The following CARMIL1 variants were observed in gnomAD, a reference collection of about 807,000 sequenced individuals.
CARMIL1 encodes the protein capping protein regulator and myosin 1 linker 1.
In CARMIL1, 90 loss-of-function variants were observed where a neutral mutation model predicts 177.1. That is an observed-to-expected ratio of 0.51 (90% CI 0.43 to 0.61). The LOEUF (loss-of-function observed/expected upper bound fraction) is 0.61. CARMIL1 is among the 20% of genes least tolerant of loss of function. The pLI, the probability that CARMIL1 is intolerant of heterozygous loss-of-function variation, is 0.00. For synonymous variants in CARMIL1, 577 were observed against 606.2 expected, an observed-to-expected ratio of 0.95 and a Z score of 0.71; for missense variants, 1,380 against 1,667.0, an observed-to-expected ratio of 0.83 and a Z score of 3.00.
Position 25,537,845 on chromosome 6 carries a change from T to C in CARMIL1, c.2068-10T>C. The C allele has an allele frequency of 6.2e-7, 1 of 1,610,542 alleles. No individual in the cohort carries two copies. The highest frequency in any genetic ancestry group is 8.5e-7 in the Non-Finnish European group (1 of 1,178,628). On this transcript the variant is annotated splice_polypyrimidine_tract_variant and intron_variant, in intron 24 of 36. Coordinates refer to ENST00000329474, the MANE Select transcript of CARMIL1 (RefSeq NM_017640.6). The stretch of plus-strand genomic sequence containing the variant: ...GACTTGGATGCTTGCCTTTTTCTGG[T>C]TTGGAGCAGATGATTGACAGAATAT...
At chr6:25,569,946 G>A (rs189414190) in intron 29 of CARMIL1, among the ~76,000 whole-genome samples, 1 of 152,072 alleles carries the variant, frequency 6.6e-6, no homozygotes, top group African/African-American at 2.4e-5. Flanking sequence ...TTAACATCTT[G>A]CTTACTACTG....
chr6:25,392,585 A>G (rs1032542479), intron 2 of CARMIL1, among the ~76,000 whole-genome samples: 1 of 152,150 alleles, frequency 6.6e-6, no homozygotes, highest in Non-Finnish European at 1.5e-5. Context: ...TTCTTCCTGG[A>G]CTGACTCCAG....
In CARMIL1 at chr6:25,619,431, T is replaced by TC. The variant is rs941022456; in HGVS notation, c.3980-13dup. 6.2e-7 allele frequency: 1 copy of TC among 1,607,676 alleles called. No individual in the cohort carries two copies. Among genetic ancestry groups the TC allele is most frequent in the African/African-American group, 1.3e-5 (1 of 74,238 alleles). On this transcript the variant is annotated splice_polypyrimidine_tract_variant and intron_variant, in intron 36 of 36. Transcript: ENST00000329474. ...TACTTTGTCAGTAAACTGTGCGACT[T>TC]CCCTTTTTATTTCAGTTTCAAGGAG...
At chr6:25,294,595 G>A (rs1242976544) in intron 2 of CARMIL1, among the ~76,000 whole-genome samples, 1 of 152,120 alleles carries the variant, frequency 6.6e-6, no homozygotes, top group East Asian at 1.9e-4. Context: ...ATTTCTTCTT[G>A]CATAGTCTAC....
intron 2 of CARMIL1, among the ~76,000 whole-genome samples, chr6:25,321,341 C>G (rs974914329): frequency 2.6e-5 from 4 of 152,136 alleles, no homozygotes; most frequent in Non-Finnish European, 2.9e-5. Context: ...TACAGGTAAG[C>G]TGGATGTTCT....
At position 25,279,774 on chromosome 6, in the gene CARMIL1, C is replaced by G; in HGVS notation, c.-22C>G. On this transcript the variant is annotated 5_prime_UTR_variant, in exon 1 of 37. Coordinates refer to ENST00000329474, the MANE Select transcript of CARMIL1 (RefSeq NM_017640.6). ...TAAATCAGAGTTGGACCTGCAATAA[C>G]CCCCACACCTACAGGGCAACCATGA... 6.2e-7 allele frequency: 1 copy of G among 1,613,490 alleles called. No homozygotes were observed.
chr6:25,547,787 A>C (rs187068257), intron 26 of CARMIL1, among the ~76,000 whole-genome samples: 2 of 152,306 alleles, frequency 1.3e-5, no homozygotes, highest in African/African-American at 2.4e-5. Flanking sequence ...GTCTTGGCCC[A>C]AAAATGGGTA....
intron 2 of CARMIL1, among the ~76,000 whole-genome samples, chr6:25,320,015 A>AT (rs1784567376): frequency 6.6e-6 from 1 of 152,234 alleles, no homozygotes; most frequent in Non-Finnish European, 1.5e-5. Context: ...GTCAATGAAG[A>AT]TTAGTCAATG....
At chr6:25,601,426 G>A (rs1412558482) in intron 33 of CARMIL1, among the ~76,000 whole-genome samples, 1 of 152,182 alleles carries the variant, frequency 6.6e-6, no homozygotes, top group Non-Finnish European at 1.5e-5. Flanking sequence ...ACAGTCGGCT[G>A]AATCCAGATG....
chr6:25,548,821 T>C (rs1809777964), intron 26 of CARMIL1, among the ~76,000 whole-genome samples: 2 of 152,096 alleles, frequency 1.3e-5, no homozygotes, highest in Admixed American at 1.3e-4. Flanking sequence ...AAGACCTGAG[T>C]GCCCATCTCA....
At chr6:25,436,812 G>C (rs1797271033) in intron 5 of CARMIL1, among the ~76,000 whole-genome samples, 1 of 152,184 alleles carries the variant, frequency 6.6e-6, no homozygotes, top group Non-Finnish European at 1.5e-5. Context: ...GTTGCCGGGG[G>C]AGCTAAGTGT....
intron 8 of CARMIL1, chr6:25,452,207 G>C (rs1799035107): frequency 2.6e-6 from 2 of 764,420 alleles, no homozygotes; most frequent in Admixed American, 3.4e-5. Flanking sequence ...TGGGCCTAAA[G>C]CCTCCAGTTC....
chr6:25,542,734 T>C lies in CARMIL1; in HGVS notation c.2328+2656T>C, dbSNP rs568734100. Among the ~76,000 whole-genome samples the C allele has an allele frequency of 3.3e-5, 5 of 152,308 alleles. No homozygotes were observed. The South Asian group carries it at 8.3e-4, about 25-fold the overall frequency. ...GTGCACATTTCATTTTTGATACTTA[T>C]AATGGACTTCCTTATATTTCCTTCC... On this transcript the variant is annotated intron_variant, in intron 26 of 36. Transcript: ENST00000329474.
At chr6:25,374,034 T>A (rs2150449085) in intron 2 of CARMIL1, among the ~76,000 whole-genome samples, 1 of 152,358 alleles carries the variant, frequency 6.6e-6, no homozygotes, top group Non-Finnish European at 1.5e-5. Context: ...AGTTCTGCTC[T>A]AATGAAAAGG....
At chr6:25,313,761 C>A (rs761867497) in intron 2 of CARMIL1, among the ~76,000 whole-genome samples, 2 of 149,752 alleles carry the variant, frequency 1.3e-5, no homozygotes, top group South Asian at 2.1e-4. Flanking sequence ...CAAATAAATG[C>A]GTTTTAGAGC....
chr6:25,369,377 TTG>T (rs1491051047), intron 2 of CARMIL1, among the ~76,000 whole-genome samples: 1 of 98,762 alleles, frequency 1.0e-5, no homozygotes, highest in African/African-American at 3.8e-5. Flanking sequence ...ATGCTGTATT[TTG>T]TTTTTTTTTT....
chr6:25,488,149 G>A (rs1802852708), intron 12 of CARMIL1, among the ~76,000 whole-genome samples: 1 of 152,186 alleles, frequency 6.6e-6, no homozygotes, highest in South Asian at 2.1e-4. Flanking sequence ...AGGATTAAGA[G>A]AAGGATAAAC....
intron 20 of CARMIL1, among the ~76,000 whole-genome samples, chr6:25,513,241 G>C (rs1007060874): frequency 5.9e-5 from 9 of 152,110 alleles, no homozygotes; most frequent in African/African-American, 2.2e-4. Flanking sequence ...AAAGCATACT[G>C]TGTTTGTTTT....
intron 31 of CARMIL1, among the ~76,000 whole-genome samples, chr6:25,581,790 G>C (rs1397347231): frequency 6.6e-6 from 1 of 151,912 alleles, no homozygotes. Context: ...CAGTGTCTGG[G>C]CAAAAAAGAT....
Sources: gnomAD v4.1 joint callset for allele counts (sites outside exome capture counted in the v4.1 genomes callset) on GRCh38, gnomAD v4.1.1 for gene constraint, MANE v1.5 for transcripts, NCBI Gene and HGNC (gene_info 2026-07-23, HGNC 2026-07-21) for gene names.